The following PCDH19 variants were observed in gnomAD, a reference collection of about 807,000 sequenced individuals.
The protein encoded by PCDH19 is protocadherin-19.
In PCDH19, 6 loss-of-function variants were observed where a neutral mutation model predicts 46.2. The ratio of observed to expected loss-of-function variants is 0.13; its 90% CI spans 0.07 to 0.26. The LOEUF (loss-of-function observed/expected upper bound fraction) is 0.26, where lower values mean the gene tolerates loss of function less well. Ranked by LOEUF, PCDH19 falls within the 10% of genes least tolerant of loss-of-function variation. The probability of loss-of-function intolerance (pLI) is 1.00; values close to 1 mark genes in which losing one functional copy is unlikely to be tolerated. For synonymous variants in PCDH19, 481 were observed against 415.7 expected (o/e 1.16, Z -1.91); for missense variants, 740 against 972.3 (o/e 0.76, Z 3.18).
intron 5 of PCDH19, among the ~76,000 whole-genome samples, chrX:100,312,905 G>C (rs1004452952): frequency 1.8e-5 from 2 of 110,965 alleles, no homozygotes; most frequent in Non-Finnish European, 3.8e-5. Flanking sequence ...CTCTCTGGTT[G>C]AGATGACCTG....
intron 5 of PCDH19, among the ~76,000 whole-genome samples, chrX:100,333,173 G>GA (rs1925951333): frequency 7.8e-5 from 2 of 25,624 alleles, no homozygotes; most frequent in African/African-American, 2.2e-4. Context: ...AAGGAAGGAA[G>GA]GGAGAGAGAG....
At chrX:100,354,502 G>A (rs781710589) in intron 3 of PCDH19, among the ~76,000 whole-genome samples, 2 of 111,500 alleles carry the variant, frequency 1.8e-5, no homozygotes, top group South Asian at 3.8e-4. Context: ...GTGTACCTCC[G>A]GGGTGGCAAG....
chrX:100,310,284 C>T (rs765588771), intron 5 of PCDH19, among the ~76,000 whole-genome samples: 27 of 110,605 alleles, frequency 2.4e-4, no homozygotes, highest in Non-Finnish European at 4.9e-4. Flanking sequence ...TACTGGGGCT[C>T]GATTCAATTC....
chrX:100,395,422 C>T (rs1928001000), intron 3 of PCDH19, among the ~76,000 whole-genome samples: 1 of 112,178 alleles, frequency 8.9e-6, no homozygotes, highest in Non-Finnish European at 1.9e-5. Context: ...AAAGTATACC[C>T]GCAGGTCCTC....
Position 100,407,656 on chromosome X carries a change from C to T in PCDH19, c.942G>A (p.Leu314=), listed in dbSNP as rs773740606. The part of the protein sequence containing the change: ...LDYEEGHVYE[L]DVQAKDLGPN... ...GCCCCAAGTCCTTAGCCTGCACGTC[C>T]AGTTCGTACACGTGCCCCTCTTCGT... The change falls in exon 1 of 6, where the codon CTG becomes CTA. Residue 314 remains leucine, a synonymous_variant. Transcript: ENST00000373034. The T allele has an allele frequency of 1.5e-4, 178 of 1,210,742 alleles. No individual in the cohort carries two copies. The highest frequency in any genetic ancestry group is 1.9e-4 in the Non-Finnish European group (168 of 895,183).
chrX:100,405,778 C>T (rs1237443291), intron 1 of PCDH19, among the ~76,000 whole-genome samples: 1 of 112,016 alleles, frequency 8.9e-6, no homozygotes, highest in Non-Finnish European at 1.9e-5. Context: ...GATGTTTGGT[C>T]TCCACACTAC....
chrX:100,359,811 ATGTGTG>A (rs1328985698), intron 3 of PCDH19, among the ~76,000 whole-genome samples: 1 of 63,087 alleles, frequency 1.6e-5, no homozygotes, highest in Non-Finnish European at 3.7e-5. Flanking sequence ...GTGTGTGTGT[ATGTGTG>A]TGTGTGTGTG....
At chrX:100,334,648 T>TA (rs764837181) in intron 5 of PCDH19, among the ~76,000 whole-genome samples, 28 of 110,456 alleles carry the variant, frequency 2.5e-4, no homozygotes, top group Non-Finnish European at 4.3e-4. Context: ...ATGATACCCC[T>TA]AATCATGCAA....
At chrX:100,403,089 A>G (rs1019454720) in intron 2 of PCDH19, among the ~76,000 whole-genome samples, 3 of 110,987 alleles carry the variant, frequency 2.7e-5, no homozygotes, top group Non-Finnish European at 5.7e-5. Flanking sequence ...AAGTTTCTAT[A>G]CTTTGGATTT....
Position 100,296,638 on chromosome X carries a change from T to C in PCDH19, c.3086A>G (p.Glu1029Gly), listed in dbSNP as rs1253760325. Residue 1029 changes from glutamate to glycine, a missense_variant, in exon 6 of 6, where the codon GAG (glutamate) becomes GGG (glycine). Around this residue, in one of 5 missense-constraint regions of PCDH19, gnomAD observed 416 missense variants for 476.8 expected, o/e 0.87. Coordinates refer to ENST00000373034, the MANE Select transcript of PCDH19 (RefSeq NM_001184880.2). ...CCTCTTGCCTTTCAGGGTAGGCCTC[T>C]CCTCAGCCGGGTGGTCGCTGACATC... is the stretch of plus-strand genomic sequence containing the variant. ...GKDVSDHPAE[E>G]RPTLKGKRTV... The C allele has an allele frequency of 8.3e-7, 1 of 1,209,356 alleles. No individual in the cohort carries two copies. Among genetic ancestry groups the C allele is most frequent in the Non-Finnish European group, 1.1e-6 (1 of 894,992 alleles).
intron 5 of PCDH19, among the ~76,000 whole-genome samples, chrX:100,309,168 A>ACACACACACACACACACT (rs60240756): frequency 9.1e-6 from 1 of 109,898 alleles, no homozygotes; most frequent in Non-Finnish European, 1.9e-5. Context: ...ACACACACAC[A>ACACACACACACACACACT]CACACACACA....
At chrX:100,348,971 C>T (rs1926495171) in intron 4 of PCDH19, among the ~76,000 whole-genome samples, 1 of 107,899 alleles carries the variant, frequency 9.3e-6, no homozygotes, top group African/African-American at 3.4e-5. Flanking sequence ...GGAGGGGTTG[C>T]ACTATTTTGC....
intron 3 of PCDH19, among the ~76,000 whole-genome samples, chrX:100,394,557 C>T (rs956984466): frequency 9.0e-6 from 1 of 111,455 alleles, no homozygotes; most frequent in Admixed American, 9.5e-5. Context: ...AAAAAAAATT[C>T]GTGATGGGCT....
chrX:100,406,711 G>A lies in PCDH19; in HGVS notation c.1887C>T (p.Thr629=). 8.3e-7 allele frequency: 1 copy of A among 1,211,816 alleles called. No homozygotes were observed. The change falls in exon 1 of 6, where the codon ACC becomes ACT. Residue 629 remains threonine (T), a synonymous_variant. Transcript: ENST00000373034. ...AGGAGGACTTGGAGCTCTCCCCGAA[G>A]GTGCGGGTGGTTCTGACTTCGCCAT... ...QVNGEVRTTR[T]FGESSKSSYE... is the part of the protein sequence containing the mutation.
intron 5 of PCDH19, among the ~76,000 whole-genome samples, chrX:100,316,431 C>T (rs1469269045): frequency 8.9e-6 from 1 of 111,965 alleles, no homozygotes; most frequent in Non-Finnish European, 1.9e-5. Context: ...AAGCCAAGTA[C>T]CTTTGTGTTA....
intron 3 of PCDH19, among the ~76,000 whole-genome samples, chrX:100,389,958 T>C (rs1927819768): frequency 9.1e-6 from 1 of 109,730 alleles, no homozygotes; most frequent in Non-Finnish European, 1.9e-5. Flanking sequence ...AGTTTTCATA[T>C]TAACTCTTTA....
Position 100,380,506 on chromosome X carries a change from A to T in PCDH19, c.2616+22018T>A, listed in dbSNP as rs149951442. ...ATTTAGCCATTATCTAGAACAACAC[A>T]AAGAATGGCATAGATACTGGAAAAA... On this transcript the variant is annotated intron_variant, in intron 3 of 5. Transcript: ENST00000373034. Among the ~76,000 whole-genome samples the T allele has an allele frequency of 1.0e-3, 115 of 112,303 alleles. 1 individual carries two copies. The East Asian group carries it at 0.031, about 30-fold the overall frequency.
chrX:100,390,888 C>G (rs1278301978), intron 3 of PCDH19, among the ~76,000 whole-genome samples: 2 of 111,592 alleles, frequency 1.8e-5, no homozygotes, highest in Non-Finnish European at 3.8e-5. Flanking sequence ...TGGACTGCCT[C>G]TCACGCCAAC....
chrX:100,383,989 A>T (rs1357751993), intron 3 of PCDH19, among the ~76,000 whole-genome samples: 5 of 111,979 alleles, frequency 4.5e-5, no homozygotes, highest in South Asian at 3.7e-4. Context: ...ATAAACAATA[A>T]ATGGTACAAA....
Sources: allele counts gnomAD v4.1 joint callset (sites outside exome capture counted in the v4.1 genomes callset), GRCh38; gene constraint gnomAD v4.1.1; regional missense constraint gnomAD v4.1.1; transcripts MANE v1.5; gene names NCBI Gene and HGNC (gene_info 2026-07-23, HGNC 2026-07-21).